CFHR5: variants seen among roughly 807,000 people sequenced by gnomAD.
CFHR5 encodes complement factor H-related protein 5.
A neutral mutation model predicts 62.9 loss-of-function variants in CFHR5; 73 were observed. That is an observed-to-expected ratio of 1.16 (90% CI 0.96 to 1.41). The LOEUF (loss-of-function observed/expected upper bound fraction) is 1.41. Among genes scored for constraint, CFHR5 ranks in the 40% most tolerant of loss-of-function variants. The pLI is 0.00. For synonymous variants in CFHR5, 249 were observed against 227.2 expected, an observed-to-expected ratio of 1.10 and a Z score of -0.86; for missense variants, 779 against 679.9, an observed-to-expected ratio of 1.15 and a Z score of -1.62.
At chr1:196,986,578 C>G (rs959695051) in intron 3 of CFHR5, among the ~76,000 whole-genome samples, 9 of 152,064 alleles carry the variant, frequency 5.9e-5, no homozygotes, top group African/African-American at 2.2e-4. Context: ...TCCAAGTGTT[C>G]CCATTGTTCA....
rs776040836 is a variant in CFHR5, at chr1:197,002,593, ACTAT to A, written c.1263_1266del (p.Leu422PhefsTer52). The stretch of plus-strand genomic sequence containing the variant: ...AAAGTAGCTGTTCTCTGTAAAGAAA[ACTAT>A]CTACTTCCAGAAGCAAAAGAAATTG... On this transcript the variant is annotated frameshift_variant, in exon 8 of 10. Transcript: ENST00000256785. LOFTEE classifies it high-confidence loss of function. 3.7e-6 allele frequency: 6 copies of A among 1,613,518 alleles called. No individual in the cohort carries two copies. The highest frequency in any genetic ancestry group is 1.3e-5 in the African/African-American group (1 of 74,992).
intron 8 of CFHR5, among the ~76,000 whole-genome samples, chr1:197,003,796 A>C (rs1053577028): frequency 9.9e-5 from 15 of 152,180 alleles, no homozygotes; most frequent in Non-Finnish European, 4.4e-5. Flanking sequence ...GATATGGAGA[A>C]AGTGAAATTT....
chr1:196,993,566 G>A (rs186979036), intron 3 of CFHR5, among the ~76,000 whole-genome samples: 4 of 151,986 alleles, frequency 2.6e-5, no homozygotes, highest in African/African-American at 7.2e-5. Flanking sequence ...CAAAGTGCTG[G>A]GATTACAGAC....
chr1:196,987,538 T>C (rs1163387562), intron 3 of CFHR5, among the ~76,000 whole-genome samples: 1 of 152,196 alleles, frequency 6.6e-6, no homozygotes, highest in Non-Finnish European at 1.5e-5. Flanking sequence ...TTAATTTTTG[T>C]ATAAGGTGTA....
At chr1:197,007,265 A>C (rs1246931978) in intron 9 of CFHR5, among the ~76,000 whole-genome samples, 1 of 152,018 alleles carries the variant, frequency 6.6e-6, no homozygotes, top group African/African-American at 2.4e-5. Flanking sequence ...GTAGGTAAAA[A>C]ACAGGAACCA....
chr1:196,996,221 C>T lies in CFHR5; in HGVS notation c.970+20C>T. On this transcript the variant is annotated intron_variant, in intron 6 of 9. Transcript: ENST00000256785. ...GTGTTGGTGAGAAAACATTCCTAAA[C>T]TTTATATTTGATTATTTATCATTTT... The T allele has an allele frequency of 6.4e-7, 1 of 1,558,732 alleles. No homozygotes were observed. Among genetic ancestry groups the T allele is most frequent in the Non-Finnish European group, 8.8e-7 (1 of 1,130,102 alleles).
chr1:196,994,436 G>A (rs1174373560), intron 4 of CFHR5, among the ~76,000 whole-genome samples, 180 bp downstream of exon 4: 1 of 152,160 alleles, frequency 6.6e-6, no homozygotes, highest in East Asian at 1.9e-4. Flanking sequence ...CGTAATCAAG[G>A]AGTAATTCTA....
rs143038171 is a variant in CFHR5, at chr1:197,004,772, T to A, written c.1442T>A (p.Phe481Tyr). The A allele has an allele frequency of 6.2e-7, 1 of 1,613,688 alleles. No individual in the cohort carries two copies. Among genetic ancestry groups the A allele is most frequent in the East Asian group, 2.2e-5 (1 of 44,882 alleles). ...GSTVTYRCQS[F>Y]YKLQGSVTVT... ...ACAGTGACGTACCGTTGCCAGTCCT[T>A]CTATAAACTCCAGGGCTCTGTAACT... The change falls in exon 9 of 10, where the codon TTC (phenylalanine) becomes TAC (tyrosine). Residue 481 changes from phenylalanine to tyrosine, a missense_variant. By Grantham distance (22) the Phe-to-Tyr change is conservative. Coordinates refer to ENST00000256785, the MANE Select transcript of CFHR5 (RefSeq NM_030787.4).
chr1:197,008,356 AT>A (rs1006957020), intron 9 of CFHR5, 130 bp from the exon 10 acceptor site: 5 of 404,166 alleles, frequency 1.2e-5, no homozygotes, highest in Admixed American at 4.5e-5. Flanking sequence ...AATAAATATT[AT>A]TTTTTAAATA....
intron 7 of CFHR5, 68 bp from the exon 8 acceptor site, chr1:197,002,412 AAC>A (rs1654175689): frequency 8.6e-7 from 1 of 1,163,422 alleles, no homozygotes; most frequent in Non-Finnish European, 1.3e-6. Context: ...ATTTTCCTGA[AAC>A]ACTACCCTAT....
At position 197,004,843 on chromosome 1, in the gene CFHR5, G is replaced by A. The variant is rs200468491; in HGVS notation, c.1513G>A (p.Asp505Asn). The change falls in exon 9 of 10, where the codon GAT (aspartate) becomes AAT (asparagine). Residue 505 changes from aspartate to asparagine, a missense_variant and splice_region_variant. Physicochemically the swap from Asp to Asn is conservative, Grantham distance 23. Transcript: ENST00000256785. ...KQWSEPPRCL[D>N]PCVVSEENMN... ...GTGGTCAGAACCACCAAGATGCCTA[G>A]GTGAGTTCTTAATATTCTCTTGGAA... 4.5e-5 allele frequency: 72 copies of A among 1,605,852 alleles called. No individual in the cohort carries two copies. The highest frequency in any genetic ancestry group is 1.7e-4 in the Middle Eastern group (1 of 6,056).
At chr1:197,005,527 G>C (rs1654263406) in intron 9 of CFHR5, among the ~76,000 whole-genome samples, 1 of 152,250 alleles carries the variant, frequency 6.6e-6, no homozygotes, top group Non-Finnish European at 1.5e-5. Flanking sequence ...CTTAAAAGGA[G>C]ATTCTTTTAT....
Position 197,009,120 on chromosome 1 carries a change from G to C in CFHR5, c.*437G>C, listed in dbSNP as rs1571532585. The C allele has an allele frequency of 6.2e-6, 1 of 161,834 alleles. No individual in the cohort carries two copies. The highest frequency in any genetic ancestry group is 2.4e-5 in the African/African-American group (1 of 41,544). 10.0% of individuals were successfully genotyped at this position (161,834 alleles called of 1,614,324 possible). A position where few individuals can be genotyped will look rare whatever the true frequency, so the allele number is the denominator to read the frequency against. On this transcript the variant is annotated 3_prime_UTR_variant, in exon 10 of 10. Transcript: ENST00000256785. ...AAAAGAGAGAGAGAGACAGAGTGGC[G>C]GGGGCGGGGAGGAGCGCAAACTCAT...
chr1:197,001,213 G>A (rs1391737881), intron 7 of CFHR5, among the ~76,000 whole-genome samples: 1 of 151,930 alleles, frequency 6.6e-6, no homozygotes, highest in South Asian at 2.1e-4. Context: ...GCATCAGTGG[G>A]CCCCAGTCCC....
intron 1 of CFHR5, among the ~76,000 whole-genome samples, chr1:196,980,064 C>T (rs1195021235): frequency 6.6e-6 from 1 of 151,986 alleles, no homozygotes. Flanking sequence ...GACACAAACA[C>T]ACACATTAAC....
chr1:197,005,384 C>T (rs1654260434), intron 9 of CFHR5, among the ~76,000 whole-genome samples: 1 of 152,062 alleles, frequency 6.6e-6, no homozygotes, highest in Non-Finnish European at 1.5e-5. Flanking sequence ...CCCTTCTTTT[C>T]ACCCTATTTT....
intron 6 of CFHR5, among the ~76,000 whole-genome samples, chr1:196,997,511 C>T (rs756132551): frequency 3.3e-5 from 5 of 151,858 alleles, no homozygotes; most frequent in Non-Finnish European, 5.9e-5. Flanking sequence ...TTATGGGAAA[C>T]GGGAAAAAAA....
rs1181229800 is a variant in CFHR5, at chr1:196,996,160, C to A, written c.929C>A (p.Thr310Asn). The change falls in exon 6 of 10, where the codon ACC becomes AAC. Residue 310 changes from threonine (T) to asparagine (N), a missense_variant. Physicochemically the swap from Thr to Asn is moderately conservative, Grantham distance 65. Transcript: ENST00000256785. ...GCAATGATTGGAAATAACATGATTA[C>A]CTGTATTAATGGAATATGGACAGAG... ...EYAMIGNNMI[T>N]CINGIWTELP... The A allele has an allele frequency of 6.2e-7, 1 of 1,613,024 alleles. No individual in the cohort carries two copies. Among genetic ancestry groups the A allele is most frequent in the East Asian group, 2.2e-5 (1 of 44,830 alleles).
Position 196,978,463 on chromosome 1 carries a change from A to C in CFHR5, c.58+741A>C, listed in dbSNP as rs192156124. ...CTGATTAAACTATGTGTGTACGTGA[A>C]GTTTCAATCATTGTGCTATATACTC... On this transcript the variant is annotated intron_variant, in intron 1 of 9. Transcript: ENST00000256785. Among the ~76,000 whole-genome samples, 124 of 152,276 alleles carry C rather than the reference A, an allele frequency of 8.1e-4. No homozygotes were observed. The East Asian group carries it at 0.018, about 22-fold the overall frequency.
Sources: gnomAD v4.1 joint callset for allele counts (sites outside exome capture counted in the v4.1 genomes callset) on GRCh38, gnomAD v4.1.1 for gene constraint, MANE v1.5 for transcripts, NCBI Gene and HGNC (gene_info 2026-07-23, HGNC 2026-07-21) for gene names.